The following CGNL1 variants were observed in gnomAD, a reference collection of about 807,000 sequenced individuals.
CGNL1 encodes the protein cingulin-like protein 1.
In CGNL1, 132 loss-of-function variants were observed where a neutral mutation model predicts 141.2. The observed-to-expected ratio is 0.93, with a 90% CI of 0.81 to 1.08. The LOEUF (loss-of-function observed/expected upper bound fraction) is 1.08. CGNL1 is among the 50% of genes least tolerant of loss of function. CGNL1 has a pLI of 0.00. For synonymous variants in CGNL1, 690 were observed against 622.1 expected, an observed-to-expected ratio of 1.11 and a Z score of -1.63; for missense variants, 1,870 against 1,588.6, an observed-to-expected ratio of 1.18 and a Z score of -3.01.
intron 14 of CGNL1, among the ~76,000 whole-genome samples, chr15:57,535,518 T>C (rs2032212175): frequency 1.3e-5 from 2 of 152,054 alleles, no homozygotes; most frequent in Non-Finnish European, 2.9e-5. Flanking sequence ...GGATTGGGAA[T>C]GGGATTCTAG....
intron 1 of CGNL1, among the ~76,000 whole-genome samples, chr15:57,400,879 T>A: frequency 8.7e-6 from 1 of 115,558 alleles, no homozygotes; most frequent in Non-Finnish European, 1.7e-5. Context: ...TGAGACCCTG[T>A]CTCAAATTAA....
At chr15:57,476,504 G>A (rs1347057154) in intron 8 of CGNL1, among the ~76,000 whole-genome samples, 4 of 152,178 alleles carry the variant, frequency 2.6e-5, no homozygotes, top group African/African-American at 9.7e-5. Flanking sequence ...TGAGGTACTG[G>A]ATAGATGTAA....
intron 8 of CGNL1, among the ~76,000 whole-genome samples, chr15:57,473,755 G>A (rs951467598): frequency 6.6e-6 from 1 of 152,086 alleles, no homozygotes; most frequent in Non-Finnish European, 1.5e-5. Context: ...CCATGTGAGT[G>A]TGCCATCTTG....
intron 13 of CGNL1, among the ~76,000 whole-genome samples, chr15:57,529,922 G>C (rs1238397267): frequency 6.6e-6 from 1 of 152,194 alleles, no homozygotes; most frequent in Non-Finnish European, 1.5e-5. Context: ...CCTGATTACA[G>C]TTTTATTGCT....
intron 8 of CGNL1, among the ~76,000 whole-genome samples, chr15:57,474,100 G>A (rs7164942): frequency 0.014 from 2,156 of 151,530 alleles, 46 homozygotes; most frequent in African/African-American, 0.049. Flanking sequence ...TGGTAGAGAC[G>A]GGGTTTCACC....
chr15:57,545,703 G>T lies in CGNL1; in HGVS notation c.3609+3G>T. On this transcript the variant is annotated splice_donor_region_variant and intron_variant, in intron 17 of 18. Coordinates refer to ENST00000281282, the MANE Select transcript of CGNL1 (RefSeq NM_032866.5). ...CATTGACTGATCAGAAGGACCAGGTGGGGAGCCTCTGCGTGCATTTGCTCT... is the reference window on the plus strand; with the variant it reads ...CATTGACTGATCAGAAGGACCAGGTTGGGAGCCTCTGCGTGCATTTGCTCT... 3.1e-6 allele frequency: 5 copies of T among 1,608,830 alleles called. No individual in the cohort carries two copies. The highest frequency in any genetic ancestry group is 4.2e-6 in the Non-Finnish European group (5 of 1,176,840).
chr15:57,503,940 G>A (rs183508854), intron 8 of CGNL1, among the ~76,000 whole-genome samples: 65 of 152,254 alleles, frequency 4.3e-4, no homozygotes, highest in African/African-American at 1.5e-3. Flanking sequence ...ATTTGGTGGG[G>A]ACACAGCCAA....
At chr15:57,410,963 AAAGAT>A (rs2062780082) in intron 1 of CGNL1, among the ~76,000 whole-genome samples, 1 of 152,246 alleles carries the variant, frequency 6.6e-6, no homozygotes, top group Admixed American at 6.5e-5. Flanking sequence ...ACAAGAATCT[AAAGAT>A]AAGCTGTAAC....
intron 14 of CGNL1, among the ~76,000 whole-genome samples, chr15:57,542,986 T>G (rs2032647245): frequency 6.6e-6 from 1 of 152,196 alleles, no homozygotes; most frequent in Non-Finnish European, 1.5e-5. Context: ...TAAGCAGGTG[T>G]GCCAATTTTC....
chr15:57,442,196 A>AAAAAAAAAAAAAAAAAAAAAC lies in CGNL1; in HGVS notation c.1698-170_1698-169insAAAAAAAAAAAAACAAAAAAA, dbSNP rs2063197682. 1.3e-5 allele frequency among the ~76,000 whole-genome samples: 2 copies of AAAAAAAAAAAAAAAAAAAAAC among 150,618 alleles called. 1 individual carries two copies. Among genetic ancestry groups the AAAAAAAAAAAAAAAAAAAAAC allele is most frequent in the Non-Finnish European group, 3.0e-5 (2 of 67,724 alleles). ...ATCATTTATTTGAAAAAAAAAAAAA[A>AAAAAAAAAAAAAAAAAAAAAC]AAAAAAAGACACCATCCATCCTACT... On this transcript the variant is annotated intron_variant, in intron 3 of 18. Transcript: ENST00000281282.
At chr15:57,470,415 G>T (rs1246404911) in intron 8 of CGNL1, among the ~76,000 whole-genome samples, 3 of 152,018 alleles carry the variant, frequency 2.0e-5, no homozygotes, top group African/African-American at 7.2e-5. Context: ...CCCATTCTGT[G>T]GCTGTGATCC....
chr15:57,505,498 C>T (rs1293416359), intron 8 of CGNL1, among the ~76,000 whole-genome samples: 1 of 152,166 alleles, frequency 6.6e-6, no homozygotes, highest in East Asian at 1.9e-4. Context: ...CAAGGAGGAA[C>T]CAGGGCACTC....
intron 1 of CGNL1, among the ~76,000 whole-genome samples, chr15:57,419,261 C>T (rs1280280808): frequency 1.3e-5 from 2 of 152,146 alleles, no homozygotes; most frequent in African/African-American, 4.8e-5. Context: ...AAAAAAAACC[C>T]TTTAATTTTA....
At chr15:57,544,265 ACTT>A (rs754346419) in intron 15 of CGNL1, among the ~76,000 whole-genome samples, 13 of 152,206 alleles carry the variant, frequency 8.5e-5, no homozygotes, top group South Asian at 6.2e-4. Flanking sequence ...GTGTGATAGA[ACTT>A]CTTCTTCTGG....
chr15:57,538,228 G>A (rs2032370978), intron 14 of CGNL1, among the ~76,000 whole-genome samples: 2 of 152,222 alleles, frequency 1.3e-5, no homozygotes, highest in Admixed American at 1.3e-4. Flanking sequence ...TCCACATGGT[G>A]GATTTACTTT....
intron 1 of CGNL1, among the ~76,000 whole-genome samples, chr15:57,426,410 G>A (rs894826482): frequency 1.3e-5 from 2 of 151,256 alleles, no homozygotes; most frequent in Admixed American, 6.6e-5. Context: ...CTCCCAAAGC[G>A]CTGGGATTAC....
intron 1 of CGNL1, among the ~76,000 whole-genome samples, chr15:57,418,045 T>C (rs1394257383): frequency 6.6e-6 from 1 of 152,096 alleles, no homozygotes; most frequent in African/African-American, 2.4e-5. Context: ...TTGTCTGAGA[T>C]GTTGGGGACA....
At chr15:57,384,440 C>T (rs2062460352) in intron 1 of CGNL1, among the ~76,000 whole-genome samples, 1 of 152,182 alleles carries the variant, frequency 6.6e-6, no homozygotes, top group African/African-American at 2.4e-5. Flanking sequence ...GGTAACTTGT[C>T]AAAGTGCTGA....
intron 8 of CGNL1, among the ~76,000 whole-genome samples, chr15:57,465,750 T>C (rs1394438380): frequency 6.6e-6 from 1 of 152,224 alleles, no homozygotes; most frequent in Non-Finnish European, 1.5e-5. Context: ...CATCAGTTTT[T>C]CTTATTCTTA....
Sources: gnomAD v4.1 joint callset for allele counts (sites outside exome capture counted in the v4.1 genomes callset) on GRCh38, gnomAD v4.1.1 for gene constraint, MANE v1.5 for transcripts, NCBI Gene and HGNC (gene_info 2026-07-23, HGNC 2026-07-21) for gene names.